PIK3R6: variants seen among roughly 807,000 people sequenced by gnomAD.
PIK3R6 encodes phosphoinositide-3-kinase regulatory subunit 6, also known as phosphoinositide 3-kinase regulatory subunit 6.
PIK3R6 carries 91 observed loss-of-function variants against 84.9 expected under a neutral mutation model. The ratio of observed to expected loss-of-function variants is 1.07; its 90% confidence interval spans 0.90 to 1.28. PIK3R6 has a LOEUF of 1.28. Ranked by LOEUF, PIK3R6 falls within the 50% of genes most tolerant of loss-of-function variation. PIK3R6 has a pLI of 0.00. For synonymous variants in PIK3R6, 416 were observed against 411.4 expected (o/e 1.01, Z -0.13); for missense variants, 996 against 985.1 (o/e 1.01, Z -0.15).
chr17:8,837,952 T>A, intron 4 of PIK3R6, 81 bp from the exon 5 acceptor site: 4 of 1,270,738 alleles, frequency 3.1e-6, no homozygotes, highest in Non-Finnish European at 4.6e-6. Context: ...AGGCTGGGAG[T>A]GGGCAGGAGA....
At position 8,837,819 on chromosome 17, in the gene PIK3R6, A is replaced by G; in HGVS notation, c.242T>C (p.Met81Thr). The part of the protein sequence containing the change: ...HVIIPLLHTV[M>T]YVLTKATGIT... ...CCAGCTCACCTTGGTGAGCACGTAC[A>G]TTACAGTGTGCAGCAAGGGAATGAT... Residue 81 changes from methionine to threonine, a missense_variant, in exon 5 of 20, where the codon ATG becomes ACG. Transcript: ENST00000619866. 3 of 1,613,846 alleles carry G rather than the reference A, an allele frequency of 1.9e-6. No individual in the cohort carries two copies. The highest frequency in any genetic ancestry group is 2.5e-6 in the Non-Finnish European group (3 of 1,179,786).
intron 1 of PIK3R6, among the ~76,000 whole-genome samples, chr17:8,863,453 A>C (rs1207841744): frequency 2.0e-5 from 3 of 152,134 alleles, no homozygotes; most frequent in Admixed American, 2.0e-4. Context: ...AATGAATCTC[A>C]GAAACCGTAT....
intron 1 of PIK3R6, among the ~76,000 whole-genome samples, chr17:8,857,465 TC>T (rs2089169263): frequency 1.1e-5 from 1 of 88,194 alleles, no homozygotes; most frequent in Non-Finnish European, 3.1e-5. Flanking sequence ...AGAACCCCCC[TC>T]TGTCTTTGTG....
Position 8,841,236 on chromosome 17 carries a change from G to T in PIK3R6, c.14-1539C>A, listed in dbSNP as rs7218334. Among the ~76,000 whole-genome samples the T allele has an allele frequency of 9.3e-3, 1,422 of 152,184 alleles. 29 individuals are homozygous for T. The highest frequency in any genetic ancestry group is 0.033 in the African/African-American group (1,374 of 41,504). On this transcript the variant is annotated intron_variant, in intron 2 of 19. Transcript: ENST00000619866. ...TCGTATCAGATACATACCAGGACAG[G>T]TGGTAACAAAGACTCTCTCCTTGAC...
chr17:8,827,330 C>G, intron 12 of PIK3R6, 36 bp from the exon 13 acceptor site: 1 of 1,539,948 alleles, frequency 6.5e-7, no homozygotes, highest in Non-Finnish European at 8.7e-7. Flanking sequence ...CCGTCAGGCC[C>G]TCTCTCCAGC....
intron 1 of PIK3R6, among the ~76,000 whole-genome samples, chr17:8,850,375 A>C (rs575748998): frequency 6.6e-6 from 1 of 152,140 alleles, no homozygotes; most frequent in African/African-American, 2.4e-5. Flanking sequence ...CACTCTTCTA[A>C]GCACTTAAGA....
At chr17:8,817,590 C>T (rs1257025193) in intron 18 of PIK3R6, among the ~76,000 whole-genome samples, 2 of 151,926 alleles carry the variant, frequency 1.3e-5, no homozygotes, top group Admixed American at 6.6e-5. Flanking sequence ...TGCAGTGAGC[C>T]GAGATTGCGC....
In PIK3R6 at chr17:8,828,954, T is replaced by C; in HGVS notation, c.926A>G (p.Gln309Arg). Residue 309 changes from glutamine (Q) to arginine (R), a missense_variant, in exon 11 of 20, where the codon CAG becomes CGG. Coordinates refer to ENST00000619866, the MANE Select transcript of PIK3R6 (RefSeq NM_001010855.4). The stretch of plus-strand genomic sequence containing the variant: ...CTCCAAGTCAGCACTGAGGCGCAGC[T>C]GGGATCTTGGGCGGAGGAAGAGCAC... ...ELVLFLRPRS[Q>R]LRLSADLEVL... The C allele has an allele frequency of 6.7e-7, 1 of 1,503,162 alleles. No homozygotes were observed. Among genetic ancestry groups the C allele is most frequent in the Non-Finnish European group, 8.9e-7 (1 of 1,125,978 alleles). 93.1% of individuals were successfully genotyped at this position (1,503,162 alleles called of 1,614,324 possible). A position where few individuals can be genotyped will look rare whatever the true frequency, so the allele number is the denominator to read the frequency against.
intron 18 of PIK3R6, among the ~76,000 whole-genome samples, chr17:8,812,387 C>T (rs952317464): frequency 2.0e-5 from 3 of 152,196 alleles, no homozygotes; most frequent in East Asian, 1.9e-4. Context: ...CTTAAATTGG[C>T]CTCTAGACCA....
chr17:8,831,052 A>T (rs1348655067), intron 9 of PIK3R6, among the ~76,000 whole-genome samples: 1 of 150,634 alleles, frequency 6.6e-6, no homozygotes, highest in Non-Finnish European at 1.5e-5. Flanking sequence ...AGGCTGAGGC[A>T]GGAGAATGGC....
At chr17:8,817,159 T>A (rs75625758) in intron 18 of PIK3R6, among the ~76,000 whole-genome samples, 3,449 of 152,268 alleles carry the variant, frequency 0.023, 129 homozygotes, top group African/African-American at 0.076. Context: ...TGAGTTAAAA[T>A]CACCAAGGTA....
intron 4 of PIK3R6, 96 bp from the exon 5 acceptor site, chr17:8,837,967 G>A (rs2088538157): frequency 9.6e-7 from 1 of 1,040,288 alleles, no homozygotes. Context: ...AGGAGATGGG[G>A]TGGAAGGCAG....
At chr17:8,837,114 C>A (rs910759923) in intron 5 of PIK3R6, among the ~76,000 whole-genome samples, 191 bp from the exon 6 acceptor site, 69 of 152,146 alleles carry the variant, frequency 4.5e-4, no homozygotes, top group African/African-American at 1.7e-3. Context: ...TCTCCCAGCA[C>A]CTGTAAGACA....
chr17:8,856,701 C>T (rs555898755), intron 1 of PIK3R6, among the ~76,000 whole-genome samples: 1 of 152,228 alleles, frequency 6.6e-6, no homozygotes, highest in Non-Finnish European at 1.5e-5. Flanking sequence ...AGTCTCTTAC[C>T]TTTTAATGAT....
In PIK3R6 at chr17:8,828,898, G is replaced by T. The variant is rs765003944; in HGVS notation, c.982C>A (p.Arg328=). 46 of 1,562,192 alleles carry T rather than the reference G, an allele frequency of 2.9e-5. No individual in the cohort carries two copies. The South Asian group carries it at 3.2e-4, about 11-fold the overall frequency. Residue 328 remains arginine (R), a synonymous_variant, in exon 11 of 20, where the codon CGG becomes AGG. Coordinates refer to ENST00000619866, the MANE Select transcript of PIK3R6 (RefSeq NM_001010855.4). The part of the protein sequence containing the change: ...VLDLQGLRPD[R]ELARVSVLST... ...AGCACAGAAACCCGGGCCAACTCCC[G>T]GTCCGGCCGGAGGCCCTGCAGATCC...
chr17:8,803,275 A>G lies in PIK3R6; in HGVS notation c.2263T>C (p.Ter755ArgextTer37). The G allele has an allele frequency of 6.2e-7, 1 of 1,612,270 alleles. No individual in the cohort carries two copies. The highest frequency in any genetic ancestry group is 8.5e-7 in the Non-Finnish European group (1 of 1,179,824). ...PINTFSGIVQ[*>R] ...CTGGGCCTGCTGTCCCTGCAGGCTC[A>G]CTGGACAATACCAGAGAATGTGTTG... Residue 755 changes from the stop codon to arginine, a stop_lost, in exon 20 of 20, where the codon TGA becomes CGA. Coordinates refer to ENST00000619866, the MANE Select transcript of PIK3R6 (RefSeq NM_001010855.4). This position sits in a 1 kb window ranked among gnomAD's most constrained non-coding sequence, Gnocchi z 5.0.
At position 8,803,902 on chromosome 17, in the gene PIK3R6, A is replaced by T. The variant is rs1170328649; in HGVS notation, c.2108+139T>A. The stretch of plus-strand genomic sequence containing the variant: ...AGGGCAGTGGCCTCTGTCCATCCTC[A>T]CCAAGGTTACCTGCCTGGCCACAGG... On this transcript the variant is annotated intron_variant, in intron 19 of 19. Coordinates refer to ENST00000619866, the MANE Select transcript of PIK3R6 (RefSeq NM_001010855.4). The surrounding 1 kb of genome is among the most constrained non-coding windows in gnomAD (Gnocchi z 5.0). The T allele has an allele frequency of 1.4e-6, 1 of 732,316 alleles. No homozygotes were observed. The allele number at this position is 732,316 out of a possible 1,614,324, so 45.4% of individuals were successfully genotyped here. A position where few individuals can be genotyped will look rare whatever the true frequency, so the allele number is the denominator to read the frequency against.
At chr17:8,837,917 C>T (rs759764913) in intron 4 of PIK3R6, 46 bp from the exon 5 acceptor site, 2 of 1,550,048 alleles carry the variant, frequency 1.3e-6, no homozygotes, top group South Asian at 1.1e-5. Context: ...TGGGGGAATC[C>T]CCACTTCATA....
At chr17:8,861,090 G>A (rs1157162798) in intron 1 of PIK3R6, among the ~76,000 whole-genome samples, 4 of 151,396 alleles carry the variant, frequency 2.6e-5, no homozygotes, top group African/African-American at 7.3e-5. Context: ...GCTGAGGCAG[G>A]AGAATTGCTT....
Sources: gnomAD v4.1 joint callset for allele counts (sites outside exome capture counted in the v4.1 genomes callset) on GRCh38, gnomAD v4.1.1 for gene constraint, Gnocchi (gnomAD v3.1) non-coding constraint, MANE v1.5 for transcripts, NCBI Gene and HGNC (gene_info 2026-07-23, HGNC 2026-07-21) for gene names.